The following AP3S1 variants were observed in gnomAD, a reference collection of about 807,000 sequenced individuals.
The protein encoded by AP3S1 is AP-3 complex subunit sigma-1.
A neutral mutation model predicts 21.3 loss-of-function variants in AP3S1; 12 were observed. The observed-to-expected ratio is 0.56, with a 90% CI of 0.36 to 0.91. AP3S1 has a LOEUF of 0.91. Ranked by LOEUF, AP3S1 falls within the 40% of genes least tolerant of loss-of-function variation. The pLI, the probability that AP3S1 is intolerant of heterozygous loss-of-function variation, is 0.01. For synonymous variants in AP3S1, 48 were observed against 78.4 expected, an observed-to-expected ratio of 0.61 and a Z score of 2.05; for missense variants, 116 against 225.0, an observed-to-expected ratio of 0.52 and a Z score of 3.10.
intron 3 of AP3S1, among the ~76,000 whole-genome samples, chr5:115,889,600 A>G (rs1561511875): frequency 6.6e-6 from 1 of 152,216 alleles, no homozygotes; most frequent in Non-Finnish European, 1.5e-5. Context: ...GGGCACTGTT[A>G]GGAGAATGAA....
chr5:115,855,319 G>A (rs190013709), intron 1 of AP3S1, among the ~76,000 whole-genome samples: 12 of 150,612 alleles, frequency 8.0e-5, no homozygotes, highest in South Asian at 6.4e-4. Context: ...AATTACAGGC[G>A]TGAGCCACCG....
chr5:115,869,054 G>T (rs1747985958), intron 2 of AP3S1, among the ~76,000 whole-genome samples: 2 of 151,760 alleles, frequency 1.3e-5, no homozygotes, highest in Admixed American at 6.6e-5. Flanking sequence ...AGCCTTGATT[G>T]TAAATTATGT....
chr5:115,846,818 TC>T (rs1762097569), intron 1 of AP3S1, among the ~76,000 whole-genome samples: 1 of 152,140 alleles, frequency 6.6e-6, no homozygotes, highest in South Asian at 2.1e-4. Context: ...AGAAGAAAAT[TC>T]CATACGATTT....
intron 1 of AP3S1, among the ~76,000 whole-genome samples, chr5:115,849,124 C>G (rs1216370798): frequency 6.6e-6 from 1 of 152,186 alleles, no homozygotes; most frequent in East Asian, 1.9e-4. Flanking sequence ...TGGCCCTATT[C>G]TAAGCACTAG....
At chr5:115,847,677 A>G (rs1762160512) in intron 1 of AP3S1, among the ~76,000 whole-genome samples, 1 of 152,238 alleles carries the variant, frequency 6.6e-6, no homozygotes, top group Admixed American at 6.5e-5. Context: ...AAAATTACAT[A>G]TATTTACCGT....
At chr5:115,857,516 C>G (rs909430455) in intron 1 of AP3S1, among the ~76,000 whole-genome samples, 2 of 152,076 alleles carry the variant, frequency 1.3e-5, no homozygotes, top group Non-Finnish European at 2.9e-5. Context: ...ATTTACTCTC[C>G]TCCTTTCCTT....
chr5:115,894,917 G>GGTA lies in AP3S1; in HGVS notation c.274-168_274-166dup, dbSNP rs1235727077. ...AAGTAATTTATCTGTAGTTAAACTT[G>GGTA]GTAGGACTCTATTCTTTTTTTACTT... On this transcript the variant is annotated intron_variant, in intron 3 of 5. Coordinates refer to ENST00000316788, the MANE Select transcript of AP3S1 (RefSeq NM_001284.4). 1.8e-4 allele frequency among the ~76,000 whole-genome samples: 27 copies of GGTA among 151,990 alleles called. 1 individual carries two copies.
chr5:115,886,916 A>G (rs186300935), intron 3 of AP3S1, among the ~76,000 whole-genome samples: 30 of 152,346 alleles, frequency 2.0e-4, no homozygotes, highest in Admixed American at 2.0e-3. Flanking sequence ...TAGTAAATGC[A>G]CAATAAATGA....
intron 3 of AP3S1, among the ~76,000 whole-genome samples, chr5:115,871,159 A>G (rs941750569): frequency 2.0e-5 from 3 of 152,186 alleles, no homozygotes; most frequent in Non-Finnish European, 4.4e-5. Context: ...GACACTGTCT[A>G]TTTTCCAGGG....
At chr5:115,911,834 T>A (rs1276275643) in intron 5 of AP3S1, among the ~76,000 whole-genome samples, 1 of 151,988 alleles carries the variant, frequency 6.6e-6, no homozygotes, top group African/African-American at 2.4e-5. Flanking sequence ...CAGGTAGGTA[T>A]AAGTATAGAG....
chr5:115,869,165 AATT>A (rs1747995285), intron 2 of AP3S1, among the ~76,000 whole-genome samples: 1 of 152,168 alleles, frequency 6.6e-6, no homozygotes, highest in Non-Finnish European at 1.5e-5. Flanking sequence ...ATGATTCCTA[AATT>A]ATTATTTCTA....
At chr5:115,853,029 A>C (rs563974793) in intron 1 of AP3S1, 1 of 454,522 alleles carries the variant, frequency 2.2e-6, no homozygotes, top group Admixed American at 2.4e-5. Context: ...GAATATGTTT[A>C]ATTATTTGAA....
At chr5:115,893,877 C>T (rs1750530041) in intron 3 of AP3S1, among the ~76,000 whole-genome samples, 1 of 152,054 alleles carries the variant, frequency 6.6e-6, no homozygotes, top group Admixed American at 6.5e-5. Context: ...AATACTACCC[C>T]ATTTAGGATA....
chr5:115,910,399 G>A (rs944504084), intron 5 of AP3S1, among the ~76,000 whole-genome samples: 3 of 152,094 alleles, frequency 2.0e-5, no homozygotes, highest in South Asian at 4.1e-4. Context: ...TGCGGGTAAG[G>A]GGGGACTACT....
intron 4 of AP3S1, among the ~76,000 whole-genome samples, chr5:115,898,042 CA>C (rs1319854527): frequency 6.6e-6 from 1 of 151,868 alleles, no homozygotes; most frequent in Non-Finnish European, 1.5e-5. Flanking sequence ...CCACTTAAAA[CA>C]AAAAAGGGTT....
rs912409780 is a variant in AP3S1, at chr5:115,882,093, A to G, written c.273+11965A>G. On this transcript the variant is annotated intron_variant, in intron 3 of 5. Coordinates refer to ENST00000316788, the MANE Select transcript of AP3S1 (RefSeq NM_001284.4). ...TCTAAACTGGTTATTCTAGTTAGCA[A>G]TTCCTCTGACCTTTTATCAAGGCTC... Among the ~76,000 whole-genome samples, 21 of 152,006 alleles carry G rather than the reference A, an allele frequency of 1.4e-4. 1 individual carries two copies. The highest frequency in any genetic ancestry group is 5.1e-4 in the African/African-American group (21 of 41,484).
At chr5:115,888,918 G>A (rs1018492227) in intron 3 of AP3S1, among the ~76,000 whole-genome samples, 4 of 152,114 alleles carry the variant, frequency 2.6e-5, no homozygotes, top group African/African-American at 9.7e-5. Context: ...ATCCAGAAAA[G>A]TAAGTAGTTT....
At chr5:115,906,198 A>G (rs1421980642) in intron 5 of AP3S1, among the ~76,000 whole-genome samples, 2 of 152,176 alleles carry the variant, frequency 1.3e-5, no homozygotes, top group Non-Finnish European at 2.9e-5. Context: ...AAAATCGAGA[A>G]TGTCATGATT....
intron 3 of AP3S1, among the ~76,000 whole-genome samples, chr5:115,887,121 C>T (rs966584524): frequency 1.3e-5 from 2 of 152,114 alleles, no homozygotes; most frequent in Non-Finnish European, 2.9e-5. Flanking sequence ...CATAATTGTT[C>T]TTCAAAGGTA....
Sources: gnomAD v4.1 joint callset for allele counts (sites outside exome capture counted in the v4.1 genomes callset) on GRCh38, gnomAD v4.1.1 for gene constraint, MANE v1.5 for transcripts, NCBI Gene and HGNC (gene_info 2026-07-23, HGNC 2026-07-21) for gene names.